The following SDCCAG8 variants were observed in gnomAD, a reference collection of about 807,000 sequenced individuals.
SDCCAG8 encodes the protein serologically defined colon cancer antigen 8.
SDCCAG8 carries 74 observed loss-of-function variants against 101.8 expected under a neutral mutation model. The ratio of observed to expected loss-of-function variants is 0.73; its 90% CI spans 0.60 to 0.88. SDCCAG8 has a LOEUF of 0.88. Ranked by LOEUF, SDCCAG8 falls within the 40% of genes least tolerant of loss-of-function variation. The pLI is 0.00. For missense variants in SDCCAG8, 787 were observed against 822.6 expected (o/e 0.96, Z 0.53); for synonymous variants, 281 against 292.9 (o/e 0.96, Z 0.41).
intron 12 of SDCCAG8, among the ~76,000 whole-genome samples, chr1:243,348,298 C>T (rs563114607): frequency 7.1e-4 from 108 of 151,410 alleles, no homozygotes; most frequent in African/African-American, 2.5e-3. Flanking sequence ...GATCCGCCGG[C>T]CTCGGCCTCC....
At chr1:243,466,514 G>A (rs761812607) in intron 16 of SDCCAG8, among the ~76,000 whole-genome samples, 1 of 152,220 alleles carries the variant, frequency 6.6e-6, no homozygotes, top group African/African-American at 2.4e-5. Flanking sequence ...TAACATGGGA[G>A]TAAACTTCTT....
At chr1:243,278,975 G>C (rs977109303) in intron 4 of SDCCAG8, among the ~76,000 whole-genome samples, 1 of 152,020 alleles carries the variant, frequency 6.6e-6, no homozygotes, top group African/African-American at 2.4e-5. Flanking sequence ...ATTATTTGTA[G>C]AATTGAGGTC....
At chr1:243,498,159 G>A (rs1467731501) in intron 17 of SDCCAG8, among the ~76,000 whole-genome samples, 1 of 152,204 alleles carries the variant, frequency 6.6e-6, no homozygotes, top group African/African-American at 2.4e-5. Flanking sequence ...CATTTAGCAG[G>A]ACTGTGCTGG....
intron 9 of SDCCAG8, among the ~76,000 whole-genome samples, chr1:243,319,977 A>T (rs10926988): frequency 0.26 from 39,664 of 151,460 alleles, 5,383 homozygotes; most frequent in South Asian, 0.44. Flanking sequence ...TTTATCTCTC[A>T]TTTTATCTGT....
intron 1 of SDCCAG8, among the ~76,000 whole-genome samples, chr1:243,259,100 T>C (rs1415972135): frequency 6.6e-6 from 1 of 152,192 alleles, no homozygotes. Flanking sequence ...ACTTCCATTT[T>C]AAAAAGATCT....
intron 16 of SDCCAG8, among the ~76,000 whole-genome samples, chr1:243,438,449 A>G (rs1333470593): frequency 6.6e-6 from 1 of 151,006 alleles, no homozygotes; most frequent in Admixed American, 6.6e-5. Context: ...CAGCTCTCTG[A>G]TTGGCTCAAG....
intron 16 of SDCCAG8, among the ~76,000 whole-genome samples, chr1:243,446,033 G>T (rs1456335096): frequency 6.6e-6 from 1 of 152,092 alleles, no homozygotes; most frequent in Non-Finnish European, 1.5e-5. Context: ...GCCCATTTGT[G>T]CTGGTGAGTA....
chr1:243,483,913 AT>A lies in SDCCAG8; in HGVS notation c.1986-5096del, dbSNP rs561178209. Among the ~76,000 whole-genome samples the A allele has an allele frequency of 3.3e-3, 500 of 152,222 alleles. 1 individual carries two copies. Among genetic ancestry groups the A allele is most frequent in the Middle Eastern group, 0.02 (6 of 294 alleles). ...GGGTCGTGCGGGCCCGGAGAGCTGCATTTTTAACAAACTCCCCACACTGACA... is the reference window on the plus strand; with the variant it reads ...GGGTCGTGCGGGCCCGGAGAGCTGCATTTTAACAAACTCCCCACACTGACA... On this transcript the variant is annotated intron_variant, in intron 16 of 17. Transcript: ENST00000366541.
rs780682849 is a variant in SDCCAG8 at position 243,286,256 on chromosome 1, G to T, written c.421-16G>T. On this transcript the variant is annotated splice_polypyrimidine_tract_variant and intron_variant, in intron 4 of 17. Transcript: ENST00000366541. Reference sequence around the variant, plus strand: ...TGCTTAATAATGCTTAATGTGTTTGGTTTTGTTTATTATAGGAGGAACTCT... The same window carrying T: ...TGCTTAATAATGCTTAATGTGTTTGTTTTTGTTTATTATAGGAGGAACTCT... 42 of 1,612,790 alleles carry T rather than the reference G, an allele frequency of 2.6e-5. No homozygotes were observed. In the Admixed American group the frequency reaches 6.5e-4, roughly 25 times the overall value.
At chr1:243,346,865 TACAC>T (rs139766005) in intron 12 of SDCCAG8, among the ~76,000 whole-genome samples, 2 of 151,824 alleles carry the variant, frequency 1.3e-5, no homozygotes, top group East Asian at 3.9e-4. Flanking sequence ...GCAATGGTTA[TACAC>T]ACACACACAC....
At chr1:243,332,913 G>A (rs892621085) in intron 10 of SDCCAG8, among the ~76,000 whole-genome samples, 30 of 152,274 alleles carry the variant, frequency 2.0e-4, no homozygotes, top group South Asian at 1.7e-3. Flanking sequence ...GGTGATTATC[G>A]TAGTCCAGGT....
At chr1:243,437,981 CCTT>C (rs1316623528) in intron 16 of SDCCAG8, among the ~76,000 whole-genome samples, 2 of 152,230 alleles carry the variant, frequency 1.3e-5, no homozygotes, top group Non-Finnish European at 2.9e-5. Flanking sequence ...TTGCCTCTCA[CCTT>C]CTCCTGGAGG....
intron 6 of SDCCAG8, among the ~76,000 whole-genome samples, chr1:243,298,461 G>A (rs930052356): frequency 2.7e-5 from 4 of 145,776 alleles, no homozygotes; most frequent in African/African-American, 1.0e-4. Flanking sequence ...GGGTTCAAGC[G>A]ATTCTCCCAC....
Position 243,304,768 on chromosome 1 carries a change from A to G in SDCCAG8, c.731A>G (p.Lys244Arg), listed in dbSNP as rs754344258. The G allele has an allele frequency of 1.3e-6, 2 of 1,583,406 alleles. No homozygotes were observed. The highest frequency in any genetic ancestry group is 2.2e-5 in the South Asian group (2 of 90,446). Reference sequence around the variant, plus strand: ...TGTGAAATTGAGGAATCCCAATTGAAGTTTTTGAGGTAAAGTGAAATCGTC... The same window carrying G: ...TGTGAAATTGAGGAATCCCAATTGAGGTTTTTGAGGTAAAGTGAAATCGTC... ...EKCEIEESQLKFLRNDLAEYQ... is the reference protein window; with the variant it reads ...EKCEIEESQLRFLRNDLAEYQ... Residue 244 changes from lysine (K) to arginine (R), a missense_variant, in exon 7 of 18, where the codon AAG (lysine) becomes AGG (arginine). By Grantham distance (26) the Lys-to-Arg change is conservative. Transcript: ENST00000366541.
intron 4 of SDCCAG8, 51 bp from the exon 5 acceptor site, chr1:243,286,221 A>G: frequency 6.3e-7 from 1 of 1,588,794 alleles, no homozygotes; most frequent in Non-Finnish European, 8.6e-7. Flanking sequence ...TAATCAACAA[A>G]TAAAAACACT....
intron 9 of SDCCAG8, among the ~76,000 whole-genome samples, chr1:243,328,726 T>C (rs529756108): frequency 6.6e-6 from 1 of 152,372 alleles, no homozygotes; most frequent in Admixed American, 6.5e-5. Flanking sequence ...ATTTTACAGC[T>C]TCTCACTTTG....
At chr1:243,264,504 C>G (rs1389846076) in intron 1 of SDCCAG8, among the ~76,000 whole-genome samples, 1 of 152,120 alleles carries the variant, frequency 6.6e-6, no homozygotes, top group African/African-American at 2.4e-5. Flanking sequence ...ATCCCAGCTA[C>G]TCAGGAGGCT....
rs150366999 is a variant in SDCCAG8 at position 243,271,129 on chromosome 1, G to T, written c.306+66G>T. On this transcript the variant is annotated intron_variant, in intron 3 of 17. Transcript: ENST00000366541. ...TTTTACTGTATTGTGTTATTTTGTAGTACATGTTGCAGAAAAAATTTAAGC... is the reference window on the plus strand; with the variant it reads ...TTTTACTGTATTGTGTTATTTTGTATTACATGTTGCAGAAAAAATTTAAGC... The T allele has an allele frequency of 3.3e-4, 382 of 1,172,900 alleles. 1 individual carries two copies. In the African/African-American group the frequency reaches 4.7e-3, roughly 15 times the overall value. The allele number at this position is 1,172,900 out of a possible 1,614,324, so 72.7% of individuals were successfully genotyped here. A position where few individuals can be genotyped will look rare whatever the true frequency, so the allele number is the denominator to read the frequency against.
rs571821736 is a variant in SDCCAG8 at position 243,274,431 on chromosome 1, A to G, written c.307-112A>G. The G allele has an allele frequency of 4.5e-5, 30 of 662,314 alleles. No homozygotes were observed. The African/African-American group carries it at 5.1e-4, about 11-fold the overall frequency. 41.0% of individuals were successfully genotyped at this position (662,314 alleles called of 1,614,324 possible). ...TCTATGTTTATATCACATCAGTGCAAAATTGAGTATGGAGAAGGTAACAAC... is the reference window on the plus strand; with the variant it reads ...TCTATGTTTATATCACATCAGTGCAGAATTGAGTATGGAGAAGGTAACAAC... On this transcript the variant is annotated intron_variant, in intron 3 of 17. Transcript: ENST00000366541.
Sources: allele counts gnomAD v4.1 joint callset (sites outside exome capture counted in the v4.1 genomes callset), GRCh38; gene constraint gnomAD v4.1.1; transcripts MANE v1.5; gene names NCBI Gene and HGNC (gene_info 2026-07-23, HGNC 2026-07-21).